The following RPS6KA1 variants were observed in gnomAD, a reference collection of about 807,000 sequenced individuals.
The protein encoded by RPS6KA1 is ribosomal protein S6 kinase alpha-1.
In RPS6KA1, 48 loss-of-function variants were observed where a neutral mutation model predicts 91.3. The observed-to-expected ratio is 0.53, with a 90% CI of 0.42 to 0.67. The LOEUF (loss-of-function observed/expected upper bound fraction) is 0.67, where lower values mean the gene tolerates loss of function less well. RPS6KA1 is among the 30% of genes least tolerant of loss of function. The pLI is 0.00. For synonymous variants in RPS6KA1, 359 were observed against 384.7 expected (o/e 0.93, Z 0.78); for missense variants, 719 against 960.5 (o/e 0.75, Z 3.32).
intron 17 of RPS6KA1, among the ~76,000 whole-genome samples, chr1:26,569,715 G>T (rs2076233979): frequency 6.6e-6 from 1 of 152,246 alleles, no homozygotes; most frequent in Non-Finnish European, 1.5e-5. Context: ...GGTGTGATTT[G>T]TTCATTCATT....
chr1:26,557,329 G>A (rs2076111883), intron 13 of RPS6KA1, among the ~76,000 whole-genome samples: 1 of 152,130 alleles, frequency 6.6e-6, no homozygotes, highest in Non-Finnish European at 1.5e-5. Context: ...TGAGAGAGTG[G>A]GAGTGGGGAT....
chr1:26,554,880 G>A lies in RPS6KA1; in HGVS notation c.756+142G>A, dbSNP rs993862983. The A allele has an allele frequency of 7.6e-6, 9 of 1,181,310 alleles. No homozygotes were observed. The highest frequency in any genetic ancestry group is 1.5e-5 in the African/African-American group (1 of 64,956). The allele number at this position is 1,181,310 out of a possible 1,614,324, so 73.2% of individuals were successfully genotyped here. A position where few individuals can be genotyped will look rare whatever the true frequency, so the allele number is the denominator to read the frequency against. Reference sequence around the variant, plus strand: ...AGCTGGCCTCACCCTATATGCACCTGCAGTTTTCTTCCTTGGAAGGATCCC... The same window carrying A: ...AGCTGGCCTCACCCTATATGCACCTACAGTTTTCTTCCTTGGAAGGATCCC... On this transcript the variant is annotated intron_variant, in intron 9 of 21. Coordinates refer to ENST00000374168, the MANE Select transcript of RPS6KA1 (RefSeq NM_002953.4). The surrounding 1 kb of genome is among the most constrained non-coding windows in gnomAD (Gnocchi z 4.6).
rs7417142 is a variant in RPS6KA1, at chr1:26,573,284, C to T, written c.2008C>T (p.Leu670=). 1.9e-6 allele frequency: 3 copies of T among 1,614,200 alleles called. No homozygotes were observed. The highest frequency in any genetic ancestry group is 2.5e-6 in the Non-Finnish European group (3 of 1,180,022). Residue 670 remains leucine (L), a synonymous_variant, in exon 21 of 22, where the codon CTG becomes TTG. Coordinates refer to ENST00000374168, the MANE Select transcript of RPS6KA1 (RefSeq NM_002953.4). ...PHQRLTAKQV[L]QHPWVTQKDK... is the part of the protein sequence containing the mutation. Reference sequence around the variant, plus strand: ...CCAGCGCCTCACAGCTAAGCAGGTTCTGCAGCATCCATGGGTCACCCAGAA... The same window carrying T: ...CCAGCGCCTCACAGCTAAGCAGGTTTTGCAGCATCCATGGGTCACCCAGAA...
At chr1:26,567,417 G>A (rs1002422863) in intron 17 of RPS6KA1, among the ~76,000 whole-genome samples, 3 of 152,070 alleles carry the variant, frequency 2.0e-5, no homozygotes, top group Non-Finnish European at 2.9e-5. Flanking sequence ...GTCTAGCTCT[G>A]TCACCCAGGC....
At chr1:26,556,855 A>G (rs2076106347) in intron 12 of RPS6KA1, 137 bp downstream of exon 12, 1 of 1,244,392 alleles carries the variant, frequency 8.0e-7, no homozygotes, top group Non-Finnish European at 1.2e-6. Flanking sequence ...CCTTGAAGAC[A>G]AGGGCTGGCC....
chr1:26,533,769 C>G (rs1463883856), intron 1 of RPS6KA1, among the ~76,000 whole-genome samples: 1 of 152,152 alleles, frequency 6.6e-6, no homozygotes, highest in Non-Finnish European at 1.5e-5. Flanking sequence ...AAGTGGCTGG[C>G]AGAGCTAGGA....
chr1:26,571,719 C>G lies in RPS6KA1; in HGVS notation c.1752+109C>G, dbSNP rs377057974. The G allele has an allele frequency of 2.9e-4, 433 of 1,495,960 alleles. 1 individual carries two copies. In the East Asian group the frequency reaches 8.1e-3, roughly 28 times the overall value. The allele number at this position is 1,495,960 out of a possible 1,614,324, so 92.7% of individuals were successfully genotyped here. ...GGACTCCAGTCTCTGTGACCTTGGC[C>G]CAGCTGGCAAGGGAAGATCTAGCCT... On this transcript the variant is annotated intron_variant, in intron 18 of 21. Transcript: ENST00000374168. This position sits in a 1 kb window ranked among gnomAD's most constrained non-coding sequence, Gnocchi z 5.1.
At chr1:26,535,771 C>T (rs947789805) in intron 1 of RPS6KA1, among the ~76,000 whole-genome samples, 3 of 152,146 alleles carry the variant, frequency 2.0e-5, no homozygotes, top group African/African-American at 7.2e-5. Context: ...CCATAGGCAT[C>T]ATCACTAGGT....
intron 4 of RPS6KA1, among the ~76,000 whole-genome samples, chr1:26,550,950 G>A (rs570028038): frequency 1.1e-3 from 164 of 152,254 alleles, no homozygotes; most frequent in Non-Finnish European, 1.5e-3. Flanking sequence ...CCAGGTAGCC[G>A]TTCTTACCAG....
Position 26,554,798 on chromosome 1 carries a change from C to A in RPS6KA1, c.756+60C>A. On this transcript the variant is annotated intron_variant, in intron 9 of 21. Transcript: ENST00000374168. This position sits in a 1 kb window ranked among gnomAD's most constrained non-coding sequence, Gnocchi z 4.6. ...AAGCCTCTGGCCTCAGTCTCCCTAT[C>A]TGTACAGTGAGGGGGTTGATCATTT... 6.5e-7 allele frequency: 1 copy of A among 1,542,460 alleles called. No homozygotes were observed. Among genetic ancestry groups the A allele is most frequent in the Non-Finnish European group, 8.8e-7 (1 of 1,139,056 alleles).
Position 26,555,043 on chromosome 1 carries a change from T to G in RPS6KA1, c.757-108T>G, listed in dbSNP as rs148898785. 494 of 1,123,120 alleles carry G rather than the reference T, an allele frequency of 4.4e-4. 2 individuals carry two copies. The East Asian group carries it at 0.011, about 26-fold the overall frequency. The allele number at this position is 1,123,120 out of a possible 1,614,324, so 69.6% of individuals were successfully genotyped here. The stretch of plus-strand genomic sequence containing the variant: ...AATTCTTGCTCCAGGCTGACTTGGA[T>G]GTATCAGCAAGAATCCTGGGACTGG... On this transcript the variant is annotated intron_variant, in intron 9 of 21. Coordinates refer to ENST00000374168, the MANE Select transcript of RPS6KA1 (RefSeq NM_002953.4). This position sits in a 1 kb window ranked among gnomAD's most constrained non-coding sequence, Gnocchi z 4.3.
chr1:26,557,123 C>T (rs778316189), intron 13 of RPS6KA1, 23 bp downstream of exon 13: 8 of 1,588,154 alleles, frequency 5.0e-6, no homozygotes, highest in South Asian at 3.3e-5. Context: ...TCTGTTTTGT[C>T]TGTCTTGGGC....
chr1:26,556,866 TC>T, intron 12 of RPS6KA1, 131 bp from the exon 13 acceptor site: 1 of 1,196,436 alleles, frequency 8.4e-7, no homozygotes, highest in Non-Finnish European at 1.2e-6. Flanking sequence ...AGGGCTGGCC[TC>T]CTGAGGGCAA....
chr1:26,574,358 G>A lies in RPS6KA1; in HGVS notation c.*157G>A. 1.1e-6 allele frequency: 1 copy of A among 901,820 alleles called. No individual in the cohort carries two copies. The highest frequency in any genetic ancestry group is 1.3e-5 in the South Asian group (1 of 75,636). 55.9% of individuals were successfully genotyped at this position (901,820 alleles called of 1,614,324 possible). On this transcript the variant is annotated 3_prime_UTR_variant, in exon 22 of 22. Coordinates refer to ENST00000374168, the MANE Select transcript of RPS6KA1 (RefSeq NM_002953.4). The surrounding 1 kb of genome is among the most constrained non-coding windows in gnomAD (Gnocchi z 4.3). The stretch of plus-strand genomic sequence containing the variant: ...AACACCCCTAATGAGGGTGTGAGAA[G>A]TGCCTTCTCCTTCCCCAGGATGGAC...
intron 13 of RPS6KA1, among the ~76,000 whole-genome samples, chr1:26,557,626 G>A (rs548668927): frequency 6.6e-6 from 1 of 152,302 alleles, no homozygotes; most frequent in South Asian, 2.1e-4. Flanking sequence ...AGAAGCCAGT[G>A]AGGGAGCTTC....
intron 2 of RPS6KA1, chr1:26,544,215 G>C: frequency 2.2e-6 from 1 of 456,188 alleles, no homozygotes; most frequent in South Asian, 1.5e-5. Context: ...TGACTCTCCC[G>C]CTGTCTCTCT....
At position 26,560,846 on chromosome 1, in the gene RPS6KA1, G is replaced by T. The variant is rs1234772230; in HGVS notation, c.1336G>T (p.Val446Phe). The change falls in exon 15 of 22, where the codon GTC becomes TTC. Residue 446 changes from valine (V) to phenylalanine (F), a missense_variant. Val to Phe is a conservative substitution (Grantham distance 50, BLOSUM62 -1). Coordinates refer to ENST00000374168, the MANE Select transcript of RPS6KA1 (RefSeq NM_002953.4). ...VHKATNMEYA[V>F]KVIDKSKRDP... ...CAAGGCCACCAACATGGAGTATGCTGTCAAGGTGGGCCTCCTGACCACGTC... is the reference window on the plus strand; with the variant it reads ...CAAGGCCACCAACATGGAGTATGCTTTCAAGGTGGGCCTCCTGACCACGTC... 1.2e-6 allele frequency: 2 copies of T among 1,614,120 alleles called. No homozygotes were observed. The highest frequency in any genetic ancestry group is 1.7e-6 in the Non-Finnish European group (2 of 1,180,052).
chr1:26,529,831 G>T lies in RPS6KA1; in HGVS notation c.-90G>T, dbSNP rs1303318099. The T allele has an allele frequency of 9.8e-7, 1 of 1,017,292 alleles. No individual in the cohort carries two copies. The highest frequency in any genetic ancestry group is 1.7e-5 in the African/African-American group (1 of 58,460). 63.0% of individuals were successfully genotyped at this position (1,017,292 alleles called of 1,614,324 possible). ...CGCGAGGGGCTCGGGGGGGCGCGGC[G>T]GTTCGGGTCGCAGAGCCAGGGACCC... On this transcript the variant is annotated 5_prime_UTR_variant, in exon 1 of 22. Coordinates refer to ENST00000374168, the MANE Select transcript of RPS6KA1 (RefSeq NM_002953.4). The surrounding 1 kb of genome is among the most constrained non-coding windows in gnomAD (Gnocchi z 4.2).
At position 26,554,963 on chromosome 1, in the gene RPS6KA1, C is replaced by T. The variant is rs2076086212; in HGVS notation, c.757-188C>T. Among the ~76,000 whole-genome samples the T allele has an allele frequency of 6.6e-6, 1 of 152,200 alleles. No homozygotes were observed. Among genetic ancestry groups the T allele is most frequent in the Non-Finnish European group, 1.5e-5 (1 of 68,036 alleles). On this transcript the variant is annotated intron_variant, in intron 9 of 21. Coordinates refer to ENST00000374168, the MANE Select transcript of RPS6KA1 (RefSeq NM_002953.4). The surrounding 1 kb of genome is among the most constrained non-coding windows in gnomAD (Gnocchi z 4.6). Reference sequence around the variant, plus strand: ...AGTGCTGGCCTTCTCCCCAGCCTCGCGCCCCCACCGCTGCTCCTGGTGGTC... The same window carrying T: ...AGTGCTGGCCTTCTCCCCAGCCTCGTGCCCCCACCGCTGCTCCTGGTGGTC...
Sources: allele counts gnomAD v4.1 joint callset (sites outside exome capture counted in the v4.1 genomes callset), GRCh38; gene constraint gnomAD v4.1.1; non-coding constraint Gnocchi (gnomAD v3.1); transcripts MANE v1.5; gene names NCBI Gene and HGNC (gene_info 2026-07-23, HGNC 2026-07-21).